Variants in PLCXD3 observed in about 807,000 individuals in gnomAD.
PLCXD3 encodes phosphatidylinositol specific phospholipase C X domain containing 3.
Under a neutral mutation model 25.5 loss-of-function variants are expected in PLCXD3, and 19 were observed. The observed-to-expected ratio is 0.75, with a 90% CI of 0.52 to 1.09. The LOEUF is 1.09. PLCXD3 is among the 50% of genes least tolerant of loss of function. The pLI is 0.00. For missense variants in PLCXD3, 411 were observed against 388.1 expected, an observed-to-expected ratio of 1.06 and a Z score of -0.50; for synonymous variants, 174 against 137.6, an observed-to-expected ratio of 1.26 and a Z score of -1.85.
At chr5:41,336,994 T>G (rs62363772) in intron 2 of PLCXD3, among the ~76,000 whole-genome samples, 32 of 152,174 alleles carry the variant, frequency 2.1e-4, no homozygotes, top group Non-Finnish European at 3.8e-4. Context: ...TCATAAAATT[T>G]GTCCTTTAGC....
intron 1 of PLCXD3, among the ~76,000 whole-genome samples, chr5:41,401,389 C>T (rs1315333889): frequency 6.6e-6 from 1 of 151,946 alleles, no homozygotes; most frequent in South Asian, 2.1e-4. Context: ...ATGGATGACA[C>T]GATATAAGAG....
At chr5:41,508,407 TC>T (rs1738931903) in intron 1 of PLCXD3, among the ~76,000 whole-genome samples, 1 of 152,208 alleles carries the variant, frequency 6.6e-6, no homozygotes. Context: ...TAGGGTATCT[TC>T]CCAAAGGTCC....
In PLCXD3 at chr5:41,309,768, A is replaced by G. The variant is rs749618953; in HGVS notation, c.*3849T>C. The G allele has an allele frequency of 1.3e-5, 2 of 152,162 alleles. No homozygotes were observed. The highest frequency in any genetic ancestry group is 2.9e-5 in the Non-Finnish European group (2 of 68,020). 9.4% of individuals were successfully genotyped at this position (152,162 alleles called of 1,614,324 possible). A position where few individuals can be genotyped will look rare whatever the true frequency, so the allele number is the denominator to read the frequency against. On this transcript the variant is annotated 3_prime_UTR_variant, in exon 3 of 3. Coordinates refer to ENST00000377801, the MANE Select transcript of PLCXD3 (RefSeq NM_001005473.3). ...GTCCATTATGGATTCTCTAATTTGAAGTGAAATTGAGAATTTAGATAGACT... is the reference window on the plus strand; with the variant it reads ...GTCCATTATGGATTCTCTAATTTGAGGTGAAATTGAGAATTTAGATAGACT...
chr5:41,370,651 G>A (rs557906642), intron 2 of PLCXD3, among the ~76,000 whole-genome samples: 5 of 152,072 alleles, frequency 3.3e-5, no homozygotes, highest in Non-Finnish European at 7.4e-5. Flanking sequence ...TTGTTTATCA[G>A]TAGGTCAGTC....
At chr5:41,402,301 A>G (rs1334085438) in intron 1 of PLCXD3, among the ~76,000 whole-genome samples, 1 of 151,776 alleles carries the variant, frequency 6.6e-6, no homozygotes, top group Non-Finnish European at 1.5e-5. Context: ...TCATTCAATT[A>G]AAATTATTTT....
chr5:41,428,297 C>T (rs138485089), intron 1 of PLCXD3, among the ~76,000 whole-genome samples: 27 of 151,960 alleles, frequency 1.8e-4, no homozygotes, highest in African/African-American at 6.5e-4. Context: ...TGTATTCCCC[C>T]TCAAATTCAT....
chr5:41,370,304 GC>G (rs1279002977), intron 2 of PLCXD3, among the ~76,000 whole-genome samples: 1 of 151,816 alleles, frequency 6.6e-6, no homozygotes. Context: ...AATCAACAAA[GC>G]CAAATATTAG....
intron 2 of PLCXD3, among the ~76,000 whole-genome samples, chr5:41,379,071 A>C (rs1046047679): frequency 6.6e-6 from 1 of 152,130 alleles, no homozygotes; most frequent in African/African-American, 2.4e-5. Flanking sequence ...GGAAGCTGGA[A>C]GAGGTCATAG....
At chr5:41,467,219 A>G (rs1385391711) in intron 1 of PLCXD3, among the ~76,000 whole-genome samples, 1 of 152,056 alleles carries the variant, frequency 6.6e-6, no homozygotes, top group South Asian at 2.1e-4. Flanking sequence ...CCAACACTTA[A>G]CTTTCATCAT....
At position 41,307,361 on chromosome 5, in the gene PLCXD3, C is replaced by T. The variant is rs1003089546; in HGVS notation, c.*6256G>A. The T allele has an allele frequency of 3.3e-5, 5 of 152,588 alleles. No individual in the cohort carries two copies. The highest frequency in any genetic ancestry group is 1.2e-4 in the African/African-American group (5 of 41,444). The allele number at this position is 152,588 out of a possible 1,614,324, so 9.5% of individuals were successfully genotyped here. On this transcript the variant is annotated 3_prime_UTR_variant, in exon 3 of 3. Transcript: ENST00000377801. Reference sequence around the variant, plus strand: ...TCAAAATTCCATCTGCATTCAGTCTCTGTCAAGGATTCACTGTTGGAAACA... The same window carrying T: ...TCAAAATTCCATCTGCATTCAGTCTTTGTCAAGGATTCACTGTTGGAAACA...
At chr5:41,399,970 A>G (rs930295196) in intron 1 of PLCXD3, among the ~76,000 whole-genome samples, 2 of 152,160 alleles carry the variant, frequency 1.3e-5, no homozygotes, top group African/African-American at 4.8e-5. Context: ...CAGAATATAT[A>G]AGGAGCTCAA....
At chr5:41,509,733 G>A (rs1372134790) in intron 1 of PLCXD3, among the ~76,000 whole-genome samples, 1 of 152,198 alleles carries the variant, frequency 6.6e-6, no homozygotes, top group Non-Finnish European at 1.5e-5. Context: ...CCTGGGCGAA[G>A]TGTGTTGCCA....
chr5:41,470,807 A>C (rs1473118365), intron 1 of PLCXD3, among the ~76,000 whole-genome samples: 3 of 152,190 alleles, frequency 2.0e-5, no homozygotes, highest in Non-Finnish European at 4.4e-5. Context: ...ACCTTCCACC[A>C]AACAACTGGG....
chr5:41,495,731 A>G (rs1748823422), intron 1 of PLCXD3, among the ~76,000 whole-genome samples: 1 of 152,230 alleles, frequency 6.6e-6, no homozygotes. Flanking sequence ...AGAGTCTTCC[A>G]GAATCCCTAG....
chr5:41,368,117 G>C, intron 2 of PLCXD3, among the ~76,000 whole-genome samples: 1 of 152,106 alleles, frequency 6.6e-6, no homozygotes, highest in East Asian at 1.9e-4. Context: ...CCATTTGTTT[G>C]TGTCATCATT....
chr5:41,363,019 A>T (rs187253791), intron 2 of PLCXD3, among the ~76,000 whole-genome samples: 54 of 152,280 alleles, frequency 3.5e-4, no homozygotes, highest in Non-Finnish European at 6.9e-4. Context: ...GTCCATAGAA[A>T]CTGTCATTGT....
chr5:41,414,022 T>C (rs1441726295), intron 1 of PLCXD3, among the ~76,000 whole-genome samples: 1 of 152,016 alleles, frequency 6.6e-6, no homozygotes, highest in Admixed American at 6.6e-5. Context: ...TCTAGGACTT[T>C]TGAGTTTTTT....
intron 1 of PLCXD3, among the ~76,000 whole-genome samples, chr5:41,393,319 G>T (rs1172228456): frequency 6.6e-6 from 1 of 151,768 alleles, no homozygotes; most frequent in Non-Finnish European, 1.5e-5. Context: ...AAAGTACCAA[G>T]AAAAAAAATA....
intron 2 of PLCXD3, among the ~76,000 whole-genome samples, chr5:41,364,420 G>T (rs1380490680): frequency 6.6e-6 from 1 of 152,074 alleles, no homozygotes. Flanking sequence ...TTTTTTCCAT[G>T]CTATTTTGCC....
Sources: allele counts gnomAD v4.1 joint callset (sites outside exome capture counted in the v4.1 genomes callset), GRCh38; gene constraint gnomAD v4.1.1; transcripts MANE v1.5; gene names NCBI Gene and HGNC (gene_info 2026-07-23, HGNC 2026-07-21).